WWOX: variants seen among roughly 807,000 people sequenced by gnomAD.
WWOX encodes WW domain-containing oxidoreductase.
Under a neutral mutation model 46.2 loss-of-function variants are expected in WWOX, and 69 were observed. That is an observed-to-expected ratio of 1.49 (90% CI 1.23 to 1.82). The LOEUF is 1.82. Ranked by LOEUF, WWOX falls within the 40% of genes most tolerant of loss-of-function variation. The probability of loss-of-function intolerance (pLI) is 0.00; values close to 1 mark genes in which losing one functional copy is unlikely to be tolerated. For missense variants in WWOX, 919 were observed against 542.6 expected (o/e 1.69, Z -6.89); for synonymous variants, 359 against 202.6 (o/e 1.77, Z -6.56).
intron 4 of WWOX, among the ~76,000 whole-genome samples, chr16:78,157,713 A>G (rs1298553872): frequency 2.0e-5 from 3 of 152,236 alleles, no homozygotes; most frequent in Non-Finnish European, 2.9e-5. Flanking sequence ...GTCCATATTC[A>G]GACAAACGGA....
Position 78,925,430 on chromosome 16 carries a change from A to G in WWOX, c.1057-286178A>G, listed in dbSNP as rs112840127. On this transcript the variant is annotated intron_variant, in intron 8 of 8. Coordinates refer to ENST00000566780, the MANE Select transcript of WWOX (RefSeq NM_016373.4). The stretch of plus-strand genomic sequence containing the variant: ...AAAATATGTCCACGAAGTTCCATGG[A>G]ATAATTACCTTCCTTGGTGTTAAAA... 1.1e-3 allele frequency among the ~76,000 whole-genome samples: 164 copies of G among 152,292 alleles called. 1 individual carries two copies. Among genetic ancestry groups the G allele is most frequent in the African/African-American group, 3.8e-3 (157 of 41,546 alleles).
chr16:78,752,072 C>G (rs1159953511), intron 8 of WWOX, among the ~76,000 whole-genome samples: 1 of 152,166 alleles, frequency 6.6e-6, no homozygotes, highest in East Asian at 1.9e-4. Flanking sequence ...TAAATTCTAA[C>G]ATTGGTAAAA....
At chr16:78,642,206 A>G (rs902216958) in intron 8 of WWOX, among the ~76,000 whole-genome samples, 1 of 152,176 alleles carries the variant, frequency 6.6e-6, no homozygotes, top group Non-Finnish European at 1.5e-5. Flanking sequence ...GTGAATATCC[A>G]TTCTATAGCA....
intron 8 of WWOX, among the ~76,000 whole-genome samples, chr16:78,859,481 A>C (rs1191265140): frequency 1.3e-5 from 2 of 152,194 alleles, no homozygotes; most frequent in East Asian, 3.9e-4. Flanking sequence ...AATTAATTAA[A>C]AATGGAATGT....
chr16:78,105,734 G>A (rs2032097861), intron 1 of WWOX, among the ~76,000 whole-genome samples: 1 of 152,194 alleles, frequency 6.6e-6, no homozygotes, highest in African/African-American at 2.4e-5. Flanking sequence ...AGGGCTGGGA[G>A]GCTCTTTCTA....
intron 5 of WWOX, among the ~76,000 whole-genome samples, chr16:78,177,874 G>T (rs1015274854): frequency 2.1e-4 from 32 of 152,352 alleles, no homozygotes; most frequent in African/African-American, 5.5e-4. Context: ...GGACTGAACA[G>T]ACTTGCTTAG....
intron 8 of WWOX, among the ~76,000 whole-genome samples, chr16:78,801,741 C>T (rs1180328794): frequency 6.6e-6 from 1 of 152,096 alleles, no homozygotes; most frequent in Non-Finnish European, 1.5e-5. Context: ...TTGTCCCTCT[C>T]CTTAGTGTAT....
intron 4 of WWOX, among the ~76,000 whole-genome samples, chr16:78,116,282 C>G (rs2032786521): frequency 1.3e-5 from 2 of 152,152 alleles, no homozygotes; most frequent in Non-Finnish European, 2.9e-5. Flanking sequence ...TAACCATCTG[C>G]ACTTCTTTCT....
chr16:78,405,268 G>C (rs2082501278), intron 6 of WWOX, among the ~76,000 whole-genome samples: 1 of 152,106 alleles, frequency 6.6e-6, no homozygotes, highest in Admixed American at 6.5e-5. Flanking sequence ...AGCCGGTGCT[G>C]TGCTCCACTC....
intron 8 of WWOX, among the ~76,000 whole-genome samples, chr16:78,790,596 G>C (rs1254477419): frequency 6.6e-6 from 1 of 152,142 alleles, no homozygotes; most frequent in Non-Finnish European, 1.5e-5. Context: ...CTGAAAAGAG[G>C]AGCCTGTTTT....
chr16:78,968,559 A>C (rs184815952), intron 8 of WWOX, among the ~76,000 whole-genome samples: 26 of 152,332 alleles, frequency 1.7e-4, no homozygotes, highest in Admixed American at 3.9e-4. Context: ...TTGGTTTCAC[A>C]TGTAAACTTT....
chr16:78,184,109 CCTT>C (rs1315096753), intron 5 of WWOX, among the ~76,000 whole-genome samples: 1 of 152,116 alleles, frequency 6.6e-6, no homozygotes, highest in Admixed American at 6.6e-5. Context: ...GGTAATGCTT[CCTT>C]CCACCATATC....
chr16:78,938,148 C>A (rs2045780598), intron 8 of WWOX, among the ~76,000 whole-genome samples: 2 of 152,182 alleles, frequency 1.3e-5, no homozygotes, highest in South Asian at 4.1e-4. Flanking sequence ...AATGTCAGGA[C>A]CTTCCTGGCC....
intron 8 of WWOX, among the ~76,000 whole-genome samples, chr16:79,104,647 C>G (rs1005494164): frequency 1.3e-5 from 2 of 152,132 alleles, no homozygotes; most frequent in African/African-American, 4.8e-5. Flanking sequence ...ACCTTTGTGT[C>G]TCCTTGCATT....
chr16:78,362,646 A>T (rs2081436043), intron 5 of WWOX, among the ~76,000 whole-genome samples: 1 of 152,054 alleles, frequency 6.6e-6, no homozygotes, highest in South Asian at 2.1e-4. Flanking sequence ...AAGGAAAAAA[A>T]ATCCTGGTGC....
At chr16:78,733,842 G>T (rs60217562) in intron 8 of WWOX, among the ~76,000 whole-genome samples, 1 of 152,056 alleles carries the variant, frequency 6.6e-6, no homozygotes, top group Non-Finnish European at 1.5e-5. Context: ...AAGGCAAGAG[G>T]ATCACTTGAG....
intron 8 of WWOX, among the ~76,000 whole-genome samples, chr16:78,757,975 A>C (rs1444252145): frequency 1.3e-5 from 2 of 151,968 alleles, no homozygotes; most frequent in Non-Finnish European, 2.9e-5. Context: ...ATTCCACAAC[A>C]CTGACCTTCT....
chr16:78,583,751 C>G (rs878962890), intron 8 of WWOX, among the ~76,000 whole-genome samples: 2 of 152,204 alleles, frequency 1.3e-5, no homozygotes, highest in Admixed American at 1.3e-4. Flanking sequence ...GAGTTAAGTG[C>G]TTTTGACATG....
At chr16:78,360,572 T>G (rs2081386849) in intron 5 of WWOX, among the ~76,000 whole-genome samples, 1 of 117,926 alleles carries the variant, frequency 8.5e-6, no homozygotes, top group African/African-American at 3.8e-5. Context: ...GGCGACAGAG[T>G]GAGACTCTGT....
Sources: gnomAD v4.1 joint callset for allele counts (sites outside exome capture counted in the v4.1 genomes callset) on GRCh38, gnomAD v4.1.1 for gene constraint, MANE v1.5 for transcripts, NCBI Gene and HGNC (gene_info 2026-07-23, HGNC 2026-07-21) for gene names.